RGS20: variants seen among roughly 807,000 people sequenced by gnomAD.
RGS20 encodes the protein gz-selective GTPase-activating protein.
RGS20 carries 30 observed loss-of-function variants against 33.6 expected under a neutral mutation model. The ratio of observed to expected loss-of-function variants is 0.89; its 90% CI spans 0.67 to 1.21. The LOEUF is 1.21. RGS20 is among the 50% of genes most tolerant of loss of function. RGS20 has a pLI of 0.00. For missense variants in RGS20, 472 were observed against 502.4 expected (o/e 0.94, Z 0.58); for synonymous variants, 208 against 197.9 (o/e 1.05, Z -0.43).
intron 2 of RGS20, among the ~76,000 whole-genome samples, chr8:53,917,554 T>C (rs1274263411): frequency 6.6e-6 from 1 of 152,222 alleles, no homozygotes; most frequent in Non-Finnish European, 1.5e-5. Flanking sequence ...ACTCCCTTAC[T>C]CTTTTACCTT....
chr8:53,910,696 A>T (rs1242203534), intron 2 of RGS20, among the ~76,000 whole-genome samples: 2 of 152,250 alleles, frequency 1.3e-5, no homozygotes, highest in African/African-American at 4.8e-5. Context: ...AATGTCCATC[A>T]GTAGGTGCCT....
chr8:53,880,748 C>A, intron 2 of RGS20, 124 bp from the exon 1 acceptor site: 1 of 753,994 alleles, frequency 1.3e-6, no homozygotes, highest in Non-Finnish European at 1.9e-6. Context: ...GTGGAGGTCG[C>A]GCCCCGCGTG....
At chr8:53,909,954 G>A (rs1360825950) in intron 2 of RGS20, among the ~76,000 whole-genome samples, 1 of 152,168 alleles carries the variant, frequency 6.6e-6, no homozygotes, top group Non-Finnish European at 1.5e-5. Flanking sequence ...CTGGGGAAAT[G>A]AAGGTGACCA....
chr8:53,940,197 A>G (rs891863956), intron 3 of RGS20, among the ~76,000 whole-genome samples: 1 of 152,208 alleles, frequency 6.6e-6, no homozygotes, highest in Non-Finnish European at 1.5e-5. Context: ...TTTTAAAGAG[A>G]GAGAAATATT....
At chr8:53,899,114 G>A (rs527284900) in intron 2 of RGS20, among the ~76,000 whole-genome samples, 170 of 152,306 alleles carry the variant, frequency 1.1e-3, no homozygotes, top group African/African-American at 4.0e-3. Flanking sequence ...CTACAATGCT[G>A]TGCGATGCTC....
intron 3 of RGS20, among the ~76,000 whole-genome samples, chr8:53,943,154 C>G (rs1814359414): frequency 6.6e-6 from 1 of 152,108 alleles, no homozygotes; most frequent in African/African-American, 2.4e-5. Flanking sequence ...AATGGTGGCT[C>G]TCTCTAGGGT....
chr8:53,950,275 ATAAT>A (rs1436717480), intron 4 of RGS20, among the ~76,000 whole-genome samples: 1 of 152,216 alleles, frequency 6.6e-6, no homozygotes, highest in African/African-American at 2.4e-5. Flanking sequence ...AACTAAATAA[ATAAT>A]TAGTGAACCT....
rs559501722 is a variant in RGS20 at position 53,878,992 on chromosome 8, T to C, written c.166-266T>C. Among the ~76,000 whole-genome samples the C allele has an allele frequency of 3.9e-5, 6 of 152,216 alleles. No homozygotes were observed. The East Asian group carries it at 9.7e-4, about 24-fold the overall frequency. On this transcript the variant is annotated intron_variant, in intron 1 of 5. Coordinates refer to ENST00000297313, the MANE Select transcript of RGS20 (RefSeq NM_170587.4). ...TGCAGATTCCGATGCATTGGCTGGG[T>C]GGGGCTCAAGAGTCTTTATTTCTAA...
chr8:53,899,651 T>C (rs1379925800), intron 2 of RGS20, among the ~76,000 whole-genome samples: 1 of 152,218 alleles, frequency 6.6e-6, no homozygotes, highest in African/African-American at 2.4e-5. Context: ...ACATTTTATA[T>C]AGATGGGTTC....
At chr8:53,953,300 C>G (rs118149714) in intron 4 of RGS20, among the ~76,000 whole-genome samples, 55 of 152,254 alleles carry the variant, frequency 3.6e-4, no homozygotes, top group Admixed American at 4.6e-4. Flanking sequence ...GTGGGCAGAT[C>G]GCTTGAGCCC....
chr8:53,889,488 C>T (rs1812651117), intron 2 of RGS20, among the ~76,000 whole-genome samples: 1 of 117,078 alleles, frequency 8.5e-6, no homozygotes, highest in Non-Finnish European at 1.6e-5. Context: ...GGCTGGAAGG[C>T]AGTGGCACAA....
intron 2 of RGS20, among the ~76,000 whole-genome samples, chr8:53,920,579 G>A (rs1239751145): frequency 6.6e-6 from 1 of 152,116 alleles, no homozygotes; most frequent in Admixed American, 6.6e-5. Flanking sequence ...ATGAATAGAA[G>A]TGGTAAAAGT....
chr8:53,951,895 T>C (rs776172221), intron 4 of RGS20, among the ~76,000 whole-genome samples: 1 of 150,888 alleles, frequency 6.6e-6, no homozygotes, highest in African/African-American at 2.4e-5. Context: ...CACCCACCTG[T>C]AATCCCAGCT....
intron 1 of RGS20, among the ~76,000 whole-genome samples, chr8:53,870,602 T>A (rs1044975140): frequency 8.5e-5 from 13 of 152,146 alleles, no homozygotes; most frequent in African/African-American, 3.1e-4. Flanking sequence ...TCCCCTTCCT[T>A]TGTTGACTTT....
chr8:53,886,762 A>G (rs1675059996), intron 2 of RGS20, among the ~76,000 whole-genome samples: 1 of 152,182 alleles, frequency 6.6e-6, no homozygotes, highest in Non-Finnish European at 1.5e-5. Flanking sequence ...GCTGGAGCAC[A>G]AGTTTGTACT....
chr8:53,879,809 A>C (rs1468678445), intron 2 of RGS20: 4 of 458,806 alleles, frequency 8.7e-6, no homozygotes, highest in Non-Finnish European at 1.1e-5. Flanking sequence ...GCGGGAAGAC[A>C]CTCCAAGCTA....
chr8:53,861,967 T>TG (rs572559809), intron 1 of RGS20, among the ~76,000 whole-genome samples: 159 of 152,180 alleles, frequency 1.0e-3, no homozygotes, highest in African/African-American at 3.5e-3. Context: ...GTCCAAGCTT[T>TG]GGGGGGGCCA....
At chr8:53,901,021 G>A (rs1021581287) in intron 2 of RGS20, among the ~76,000 whole-genome samples, 48 of 151,136 alleles carry the variant, frequency 3.2e-4, no homozygotes, top group Non-Finnish European at 7.4e-5. Context: ...TCTCGACCTC[G>A]GTCTACCAAC....
intron 2 of RGS20, among the ~76,000 whole-genome samples, chr8:53,929,744 C>T (rs1453936705): frequency 6.6e-6 from 1 of 152,258 alleles, no homozygotes; most frequent in African/African-American, 2.4e-5. Flanking sequence ...CCTAAGAAAC[C>T]TTATGATGTT....
Sources: gnomAD v4.1 joint callset for allele counts (sites outside exome capture counted in the v4.1 genomes callset) on GRCh38, gnomAD v4.1.1 for gene constraint, MANE v1.5 for transcripts, NCBI Gene and HGNC (gene_info 2026-07-23, HGNC 2026-07-21) for gene names.